The following LRMDA variants were observed in gnomAD, a reference collection of about 807,000 sequenced individuals.
LRMDA encodes the protein leucine-rich melanocyte differentiation-associated protein.
In LRMDA, 18 loss-of-function variants were observed where a neutral mutation model predicts 29.8. That is an observed-to-expected ratio of 0.60 (90% CI 0.42 to 0.90). The LOEUF (loss-of-function observed/expected upper bound fraction) is 0.90, where lower values mean the gene tolerates loss of function less well. LRMDA is among the 40% of genes least tolerant of loss of function. The pLI is 0.00. For synonymous variants in LRMDA, 125 were observed against 109.4 expected (o/e 1.14, Z -0.89); for missense variants, 273 against 273.9 (o/e 1.00, Z 0.02).
intron 5 of LRMDA, among the ~76,000 whole-genome samples, chr10:76,143,828 C>T (rs1850255887): frequency 6.6e-6 from 1 of 152,152 alleles, no homozygotes; most frequent in South Asian, 2.1e-4. Flanking sequence ...GGTTTTAGGT[C>T]TAACATTTAA....
chr10:76,237,408 G>A (rs1453914000), intron 5 of LRMDA, among the ~76,000 whole-genome samples: 1 of 152,112 alleles, frequency 6.6e-6, no homozygotes, highest in Non-Finnish European at 1.5e-5. Context: ...GAGGAACTGA[G>A]GCCCAGAGAA....
At chr10:75,999,501 GA>G (rs1564626617) in intron 2 of LRMDA, among the ~76,000 whole-genome samples, 1 of 152,126 alleles carries the variant, frequency 6.6e-6, no homozygotes, top group African/African-American at 2.4e-5. Flanking sequence ...TGATTTGAAT[GA>G]AAAAAATAGA....
At chr10:76,505,151 G>T (rs1380593608) in intron 6 of LRMDA, among the ~76,000 whole-genome samples, 1 of 149,314 alleles carries the variant, frequency 6.7e-6, no homozygotes, top group Non-Finnish European at 1.5e-5. Context: ...CTTCTGCCTT[G>T]TAAGAATTCT....
At chr10:75,782,591 A>G (rs965272720) in intron 2 of LRMDA, among the ~76,000 whole-genome samples, 6 of 152,138 alleles carry the variant, frequency 3.9e-5, no homozygotes, top group Non-Finnish European at 7.3e-5. Context: ...AGGGTGCTGC[A>G]ATTCCGGACA....
intron 2 of LRMDA, among the ~76,000 whole-genome samples, chr10:76,014,038 GAGA>G: frequency 6.8e-6 from 1 of 146,806 alleles, no homozygotes; most frequent in Middle Eastern, 3.7e-3. Context: ...TACCATTCTA[GAGA>G]AGAAGTTGGT....
intron 2 of LRMDA, among the ~76,000 whole-genome samples, chr10:75,993,229 AG>A (rs538606542): frequency 1.3e-3 from 201 of 152,256 alleles, no homozygotes; most frequent in Admixed American, 4.6e-3. Context: ...TTTCTGTCCT[AG>A]GAAAGGGGTC....
intron 5 of LRMDA, among the ~76,000 whole-genome samples, chr10:76,158,376 C>G (rs1850581865): frequency 6.6e-6 from 1 of 152,052 alleles, no homozygotes; most frequent in Admixed American, 6.6e-5. Context: ...CAGGTGTAGA[C>G]TTTACTGATG....
intron 2 of LRMDA, among the ~76,000 whole-genome samples, chr10:75,572,669 G>C (rs1331282081): frequency 4.6e-5 from 7 of 152,182 alleles, no homozygotes. Context: ...GTATAGTTTA[G>C]CTGGGTATAG....
chr10:75,599,441 G>T (rs1840852020), intron 2 of LRMDA, among the ~76,000 whole-genome samples: 1 of 152,184 alleles, frequency 6.6e-6, no homozygotes, highest in African/African-American at 2.4e-5. Flanking sequence ...AGCTGGTGAG[G>T]GCTTTATGGT....
chr10:76,322,843 C>T (rs1213503215), intron 5 of LRMDA, among the ~76,000 whole-genome samples: 3 of 152,080 alleles, frequency 2.0e-5, no homozygotes, highest in Non-Finnish European at 2.9e-5. Flanking sequence ...ACCCTCACCC[C>T]ATATGTCCTG....
At chr10:75,850,593 G>A (rs1844715189) in intron 2 of LRMDA, among the ~76,000 whole-genome samples, 2 of 152,182 alleles carry the variant, frequency 1.3e-5, no homozygotes, top group Non-Finnish European at 2.9e-5. Context: ...AATGGCTGTT[G>A]AGTGGTATAG....
chr10:75,788,071 G>A (rs995911851), intron 2 of LRMDA, among the ~76,000 whole-genome samples: 1 of 152,062 alleles, frequency 6.6e-6, no homozygotes, highest in African/African-American at 2.4e-5. Context: ...CGTGGTGGTG[G>A]GTGCATGTAA....
At position 75,533,619 on chromosome 10, in the gene LRMDA, A is replaced by G. The variant is rs12264158; in HGVS notation, c.131+95125A>G. ...ATGTTTTCTTGTCTCTTGATGTGCAAGAGGACATCACTTTCTGGAAAATCA... is the reference window on the plus strand; with the variant it reads ...ATGTTTTCTTGTCTCTTGATGTGCAGGAGGACATCACTTTCTGGAAAATCA... On this transcript the variant is annotated intron_variant, in intron 2 of 6. Coordinates refer to ENST00000611255, the MANE Select transcript of LRMDA (RefSeq NM_001305581.2). Among the ~76,000 whole-genome samples, 1,476 of 152,298 alleles carry G rather than the reference A, an allele frequency of 9.7e-3. 17 individuals are homozygous for G. The highest frequency in any genetic ancestry group is 0.028 in the African/African-American group (1,159 of 41,552).
chr10:75,665,905 A>G (rs2132138664), intron 2 of LRMDA, among the ~76,000 whole-genome samples: 1 of 152,296 alleles, frequency 6.6e-6, no homozygotes, highest in South Asian at 2.1e-4. Context: ...TGTGGATACC[A>G]GCTTTATATC....
intron 2 of LRMDA, among the ~76,000 whole-genome samples, chr10:75,662,908 G>A (rs1024502694): frequency 6.6e-6 from 1 of 152,202 alleles, no homozygotes; most frequent in Non-Finnish European, 1.5e-5. Context: ...TGGACATGAA[G>A]CATTTGAGAG....
At chr10:75,809,820 C>T (rs768742939) in intron 2 of LRMDA, among the ~76,000 whole-genome samples, 17 of 152,050 alleles carry the variant, frequency 1.1e-4, no homozygotes, top group Non-Finnish European at 1.5e-4. Context: ...AGGAGGTCAG[C>T]GAAGGCTTTC....
At chr10:75,659,439 A>G (rs1211579456) in intron 2 of LRMDA, among the ~76,000 whole-genome samples, 2 of 152,076 alleles carry the variant, frequency 1.3e-5, no homozygotes, top group African/African-American at 4.8e-5. Context: ...GACACACAAC[A>G]TGATGATTTG....
chr10:75,998,768 G>C (rs1224558954), intron 2 of LRMDA, among the ~76,000 whole-genome samples: 1 of 152,150 alleles, frequency 6.6e-6, no homozygotes, highest in Non-Finnish European at 1.5e-5. Flanking sequence ...ACTTGGAATG[G>C]CAAAACACTT....
intron 2 of LRMDA, among the ~76,000 whole-genome samples, chr10:75,965,182 G>C (rs1846836385): frequency 6.6e-6 from 1 of 152,156 alleles, no homozygotes; most frequent in Non-Finnish European, 1.5e-5. Flanking sequence ...AACTCTAAGG[G>C]CTATAGAAAG....
Sources: allele counts gnomAD v4.1 joint callset (sites outside exome capture counted in the v4.1 genomes callset), GRCh38; gene constraint gnomAD v4.1.1; transcripts MANE v1.5; gene names NCBI Gene and HGNC (gene_info 2026-07-23, HGNC 2026-07-21).